Variants in YEATS2 observed in about 807,000 individuals in gnomAD.
The protein encoded by YEATS2 is YEATS domain containing 2, also known as YEATS domain-containing protein 2.
Under a neutral mutation model 163.2 loss-of-function variants are expected in YEATS2, and 77 were observed. The ratio of observed to expected loss-of-function variants is 0.47; its 90% confidence interval spans 0.39 to 0.57. YEATS2 has a LOEUF of 0.57. Among genes scored for constraint, YEATS2 ranks in the 20% least tolerant of loss-of-function variants. The pLI is 0.00. For missense variants in YEATS2, 1,549 were observed against 1,729.8 expected (o/e 0.90, Z 1.85); for synonymous variants, 631 against 645.1 (o/e 0.98, Z 0.33).
At chr3:183,754,402 G>T in intron 11 of YEATS2, 37 bp downstream of exon 11, 2 of 1,554,076 alleles carry the variant, frequency 1.3e-6, no homozygotes, top group South Asian at 2.4e-5. Context: ...ATGTGGAGTT[G>T]ACTGGATGTT....
At chr3:183,736,203 T>G (rs1175630714) in intron 7 of YEATS2, among the ~76,000 whole-genome samples, 1 of 152,180 alleles carries the variant, frequency 6.6e-6, no homozygotes, top group Non-Finnish European at 1.5e-5. Flanking sequence ...AAATCAGTCA[T>G]AGTCACTATT....
At chr3:183,797,858 G>A (rs1725305605) in intron 21 of YEATS2, 65 bp from the exon 22 acceptor site, 5 of 1,601,806 alleles carry the variant, frequency 3.1e-6, no homozygotes, top group Admixed American at 1.7e-5. Context: ...GGGTAGCACA[G>A]AGGATAAGAG....
chr3:183,717,502 A>G (rs952265054), intron 2 of YEATS2, 149 bp from the exon 3 acceptor site: 3 of 537,370 alleles, frequency 5.6e-6, no homozygotes, highest in African/African-American at 4.0e-5. Flanking sequence ...TAGTGGTTTC[A>G]GTTTTTCATC....
In YEATS2 at chr3:183,807,083, C is replaced by T; in HGVS notation, c.4002C>T (p.Val1334=). 6.2e-7 allele frequency: 1 copy of T among 1,612,954 alleles called. No individual in the cohort carries two copies. The highest frequency in any genetic ancestry group is 2.2e-5 in the East Asian group (1 of 44,872). The change falls in exon 28 of 31, where the codon GTC becomes GTT. Residue 1334 remains valine, a synonymous_variant. Transcript: ENST00000305135. The part of the protein sequence containing the change: ...PTPGSEFIGD[V]TQKIGITLQP... ...CAGGGTCTGAATTTATTGGGGATGT[C>T]ACACAGAAGGTAGGGGTTGTGGTGT...
intron 21 of YEATS2, among the ~76,000 whole-genome samples, chr3:183,792,500 GATTAT>G (rs1297039132): frequency 6.6e-6 from 1 of 152,128 alleles, no homozygotes; most frequent in Non-Finnish European, 1.5e-5. Context: ...ATGGCTGCAA[GATTAT>G]ATTGTATTGT....
chr3:183,774,283 A>G (rs1722755527), intron 17 of YEATS2, among the ~76,000 whole-genome samples: 1 of 152,162 alleles, frequency 6.6e-6, no homozygotes, highest in Non-Finnish European at 1.5e-5. Context: ...GCCTCCTGTC[A>G]GATCAGCAGT....
At chr3:183,743,245 G>T (rs1176183232) in intron 8 of YEATS2, among the ~76,000 whole-genome samples, 1 of 152,158 alleles carries the variant, frequency 6.6e-6, no homozygotes, top group African/African-American at 2.4e-5. Context: ...ATACCAAAAA[G>T]TTGGAGCAAC....
chr3:183,809,772 G>A (rs1014793237), intron 30 of YEATS2, among the ~76,000 whole-genome samples: 3 of 152,110 alleles, frequency 2.0e-5, no homozygotes, highest in Non-Finnish European at 4.4e-5. Flanking sequence ...CTTTTCTTTC[G>A]GAGGAAACAA....
intron 15 of YEATS2, among the ~76,000 whole-genome samples, chr3:183,771,509 T>C (rs1335885713): frequency 7.6e-6 from 1 of 132,442 alleles, no homozygotes; most frequent in Non-Finnish European, 1.5e-5. Context: ...TACTGGGGTC[T>C]TTTTTTTTTT....
chr3:183,717,279 C>A (rs1175420632), intron 2 of YEATS2, among the ~76,000 whole-genome samples: 1 of 152,188 alleles, frequency 6.6e-6, no homozygotes, highest in Admixed American at 6.5e-5. Flanking sequence ...TCTCTTTAGT[C>A]TCTCTCAGTC....
intron 25 of YEATS2, chr3:183,802,535 G>GTATATATATATATATATATAAACGTA (rs11276625): frequency 7.0e-6 from 1 of 142,222 alleles, no homozygotes; most frequent in African/African-American, 2.7e-5. Context: ...ATATACACGT[G>GTATATATATATATATATATAAACGTA]TATATACACA....
intron 2 of YEATS2, among the ~76,000 whole-genome samples, chr3:183,715,589 G>A (rs968416800): frequency 3.3e-5 from 5 of 152,128 alleles, no homozygotes; most frequent in African/African-American, 1.2e-4. Flanking sequence ...GATGGTACAT[G>A]GATTAAGGTT....
intron 1 of YEATS2, among the ~76,000 whole-genome samples, chr3:183,712,999 G>A (rs1269816897): frequency 6.6e-6 from 1 of 151,996 alleles, no homozygotes; most frequent in Non-Finnish European, 1.5e-5. Context: ...GACCTCTAAT[G>A]ATCTGCCTGC....
rs772621103 is a variant in YEATS2 at position 183,801,560 on chromosome 3, T to C, written c.3502+32T>C. The C allele has an allele frequency of 5.2e-6, 8 of 1,532,750 alleles. No homozygotes were observed. The South Asian group carries it at 9.6e-5, about 18-fold the overall frequency. The allele number at this position is 1,532,750 out of a possible 1,614,324, so 94.9% of individuals were successfully genotyped here. On this transcript the variant is annotated intron_variant, in intron 25 of 30. Transcript: ENST00000305135. ...CAATTACACTGAATATAGGGGTGCA[T>C]TTTTGAAAGCTGTGAACTTAAGGTA... is the stretch of plus-strand genomic sequence containing the variant.
rs1384248257 is a variant in YEATS2, at chr3:183,712,184, G to GTTATTTTATTTTATT, written c.-19-2958_-19-2957insATTTTATTTTATTTT. On this transcript the variant is annotated intron_variant, in intron 1 of 30. Coordinates refer to ENST00000305135, the MANE Select transcript of YEATS2 (RefSeq NM_018023.5). ...GAGTATTTTTGAGTTAGCATTTTAT[G>GTTATTTTATTTTATT]TTCTTTTATTTTATTTTATTTTATT... 1.8e-4 allele frequency among the ~76,000 whole-genome samples: 22 copies of GTTATTTTATTTTATT among 121,374 alleles called. 1 individual carries two copies. Among genetic ancestry groups the GTTATTTTATTTTATT allele is most frequent in the African/African-American group, 6.0e-4 (17 of 28,278 alleles). The allele number at this position is 121,374 out of a possible 152,430, so 79.6% of individuals were successfully genotyped here.
chr3:183,724,676 G>C (rs1716881584), intron 6 of YEATS2, 145 bp downstream of exon 6: 1 of 588,426 alleles, frequency 1.7e-6, no homozygotes, highest in Admixed American at 3.7e-5. Flanking sequence ...CCACAGTCTA[G>C]AGACTTTATT....
At chr3:183,770,164 G>A (rs1046240133) in intron 15 of YEATS2, among the ~76,000 whole-genome samples, 5 of 151,410 alleles carry the variant, frequency 3.3e-5, no homozygotes, top group South Asian at 4.2e-4. Flanking sequence ...CGAGGCGGGC[G>A]GATCACGAGG....
intron 21 of YEATS2, among the ~76,000 whole-genome samples, chr3:183,795,353 T>G (rs375216990): frequency 1.4e-4 from 21 of 151,782 alleles, no homozygotes; most frequent in African/African-American, 4.8e-4. Flanking sequence ...AGGGGCATGA[T>G]CATAGCTCAT....
chr3:183,796,187 A>ATGG (rs1491438153), intron 21 of YEATS2, among the ~76,000 whole-genome samples: 2 of 139,110 alleles, frequency 1.4e-5, no homozygotes, highest in Non-Finnish European at 3.0e-5. Context: ...TAGTAGAGAC[A>ATGG]GGGTTTCACC....
Sources: gnomAD v4.1 joint callset for allele counts (sites outside exome capture counted in the v4.1 genomes callset) on GRCh38, gnomAD v4.1.1 for gene constraint, MANE v1.5 for transcripts, NCBI Gene and HGNC (gene_info 2026-07-23, HGNC 2026-07-21) for gene names.